Variants in RANBP17 observed in about 807,000 individuals in gnomAD.
RANBP17 encodes ran-binding protein 17.
RANBP17 carries 158 observed loss-of-function variants against 141.2 expected under a neutral mutation model. The observed-to-expected ratio is 1.12, with a 90% CI of 0.98 to 1.28. The LOEUF (loss-of-function observed/expected upper bound fraction) is 1.28, where lower values mean the gene tolerates loss of function less well. Among genes scored for constraint, RANBP17 ranks in the 50% most tolerant of loss-of-function variants. The probability of loss-of-function intolerance (pLI) is 0.00; values close to 1 mark genes in which losing one functional copy is unlikely to be tolerated. For synonymous variants in RANBP17, 430 were observed against 450.0 expected (o/e 0.96, Z 0.56); for missense variants, 1,438 against 1,290.7 (o/e 1.11, Z -1.75).
At chr5:170,931,189 G>T (rs1157356746) in intron 12 of RANBP17, among the ~76,000 whole-genome samples, 1 of 152,138 alleles carries the variant, frequency 6.6e-6, no homozygotes, top group Non-Finnish European at 1.5e-5. Context: ...TCATATGTCT[G>T]TTGGCTGCAT....
chr5:171,141,231 A>G (rs1757669165), intron 14 of RANBP17, among the ~76,000 whole-genome samples: 1 of 152,190 alleles, frequency 6.6e-6, no homozygotes, highest in African/African-American at 2.4e-5. Flanking sequence ...CAGTGGAAAC[A>G]AAGTATACTC....
intron 14 of RANBP17, among the ~76,000 whole-genome samples, chr5:171,097,885 T>C (rs900105020): frequency 6.6e-6 from 1 of 151,542 alleles, no homozygotes; most frequent in Non-Finnish European, 1.5e-5. Context: ...GAACATGTGG[T>C]GTTTGGTTTT....
chr5:171,295,784 T>C, intron 26 of RANBP17, 103 bp from the exon 27 acceptor site: 1 of 1,279,630 alleles, frequency 7.8e-7, no homozygotes, highest in South Asian at 1.4e-5. Flanking sequence ...CTCTGAGCAT[T>C]AGTGAGCCCT....
At chr5:171,059,467 T>C (rs1354039455) in intron 14 of RANBP17, among the ~76,000 whole-genome samples, 1 of 152,066 alleles carries the variant, frequency 6.6e-6, no homozygotes, top group Non-Finnish European at 1.5e-5. Context: ...AAAGATCAGA[T>C]AGTTGTAGAT....
intron 16 of RANBP17, among the ~76,000 whole-genome samples, chr5:171,179,497 A>G (rs1290709773): frequency 6.6e-6 from 1 of 152,160 alleles, no homozygotes; most frequent in East Asian, 1.9e-4. Context: ...GACATGTAAT[A>G]TTGTCATCTG....
intron 21 of RANBP17, among the ~76,000 whole-genome samples, 198 bp downstream of exon 21, chr5:171,213,936 G>A (rs945722168): frequency 2.2e-4 from 34 of 152,280 alleles, no homozygotes; most frequent in African/African-American, 8.2e-4. Flanking sequence ...AGTATACTTG[G>A]CTGTCTATGG....
At chr5:171,120,741 A>G (rs746883441) in intron 14 of RANBP17, among the ~76,000 whole-genome samples, 1 of 152,126 alleles carries the variant, frequency 6.6e-6, no homozygotes, top group East Asian at 1.9e-4. Context: ...TTACTGGTGA[A>G]TTATTGTATT....
At chr5:170,949,594 A>G (rs1384836159) in intron 12 of RANBP17, among the ~76,000 whole-genome samples, 1 of 152,204 alleles carries the variant, frequency 6.6e-6, no homozygotes, top group African/African-American at 2.4e-5. Flanking sequence ...AAAGATTTGG[A>G]TAAATTTGAT....
chr5:171,262,134 T>C (rs1766374452), intron 24 of RANBP17, among the ~76,000 whole-genome samples: 1 of 152,226 alleles, frequency 6.6e-6, no homozygotes, highest in Non-Finnish European at 1.5e-5. Flanking sequence ...ACCAAATCTA[T>C]GTGAAGTCTT....
chr5:171,150,878 A>T (rs1196706975), intron 14 of RANBP17, among the ~76,000 whole-genome samples: 1 of 152,234 alleles, frequency 6.6e-6, no homozygotes, highest in Non-Finnish European at 1.5e-5. Flanking sequence ...AATTGTCTGC[A>T]GACGTTTTGT....
At chr5:170,985,245 A>C (rs373853911) in intron 14 of RANBP17, among the ~76,000 whole-genome samples, 1 of 152,172 alleles carries the variant, frequency 6.6e-6, no homozygotes, top group Non-Finnish European at 1.5e-5. Context: ...ATTCAAGCTT[A>C]CCCTACCATA....
rs116198097 is a variant in RANBP17, at chr5:171,190,320, G to A, written c.2038+6890G>A. 5.4e-3 allele frequency among the ~76,000 whole-genome samples: 823 copies of A among 152,266 alleles called. 8 individuals are homozygous for A. The highest frequency in any genetic ancestry group is 0.018 in the African/African-American group (752 of 41,546). On this transcript the variant is annotated intron_variant, in intron 18 of 27. Coordinates refer to ENST00000523189, the MANE Select transcript of RANBP17 (RefSeq NM_022897.5). ...TTGTATTTCAGATGAAAATGGCGGC[G>A]GGGCAGGGGGTGGTTGGCAATAAAC...
chr5:171,039,991 G>A (rs997921909), intron 14 of RANBP17, among the ~76,000 whole-genome samples: 18 of 151,864 alleles, frequency 1.2e-4, no homozygotes, highest in African/African-American at 4.1e-4. Context: ...CCAAAAAATC[G>A]AGGAGGAAGT....
Position 170,916,528 on chromosome 5 carries a change from G to A in RANBP17, c.898G>A (p.Ala300Thr). 1 of 1,585,446 alleles carries A rather than the reference G, an allele frequency of 6.3e-7. No homozygotes were observed. Among genetic ancestry groups the A allele is most frequent in the Non-Finnish European group, 8.6e-7 (1 of 1,162,224 alleles). Residue 300 changes from alanine to threonine, a missense_variant, in exon 9 of 28, where the codon GCC (alanine) becomes ACC (threonine). Ala to Thr is a moderately conservative substitution (Grantham distance 58). Transcript: ENST00000523189. ...GTCCTTATTTAACAGTCCTGAACGT[G>A]CCAAGTACCTTGGTAATTTAATTAA... ...RRSLFNSPER[A>T]KYLGNLIKGV... is the part of the protein sequence containing the mutation.
intron 14 of RANBP17, among the ~76,000 whole-genome samples, chr5:171,054,712 C>T (rs1783224347): frequency 6.6e-6 from 1 of 152,104 alleles, no homozygotes. Flanking sequence ...GCCCAGTAGG[C>T]CTCAACCTTA....
intron 22 of RANBP17, among the ~76,000 whole-genome samples, chr5:171,222,503 C>G (rs1212923382): frequency 2.0e-5 from 3 of 152,230 alleles, no homozygotes. Context: ...TGAATGGCAA[C>G]TGAGCTGGGC....
chr5:171,088,572 C>G (rs1353872341), intron 14 of RANBP17, among the ~76,000 whole-genome samples: 1 of 152,204 alleles, frequency 6.6e-6, no homozygotes. Context: ...CAACTTGTTT[C>G]CATTCTCCCC....
At chr5:171,242,620 T>C in intron 23 of RANBP17, 62 bp from the exon 24 acceptor site, 2 of 1,543,938 alleles carry the variant, frequency 1.3e-6, no homozygotes, top group Non-Finnish European at 1.8e-6. Context: ...CAATTTTCAC[T>C]GGACTGTAAC....
At chr5:171,183,963 A>G (rs1005033184) in intron 18 of RANBP17, among the ~76,000 whole-genome samples, 23 of 152,302 alleles carry the variant, frequency 1.5e-4, no homozygotes, top group African/African-American at 5.5e-4. Flanking sequence ...CACTGGTGCA[A>G]ATGGTATGAT....
Sources: allele counts gnomAD v4.1 joint callset (sites outside exome capture counted in the v4.1 genomes callset), GRCh38; gene constraint gnomAD v4.1.1; transcripts MANE v1.5; gene names NCBI Gene and HGNC (gene_info 2026-07-23, HGNC 2026-07-21).